TUT4: variants seen among roughly 807,000 people sequenced by gnomAD.
The protein encoded by TUT4 is terminal uridylyl transferase 4, also known as terminal uridylyltransferase 4.
Under a neutral mutation model 192.2 loss-of-function variants are expected in TUT4, and 36 were observed. The ratio of observed to expected loss-of-function variants is 0.19; its 90% CI spans 0.14 to 0.25. TUT4 has a LOEUF of 0.25. Among genes scored for constraint, TUT4 ranks in the 10% least tolerant of loss-of-function variants. The pLI is 1.00. For synonymous variants in TUT4, 618 were observed against 666.0 expected (o/e 0.93, Z 1.11); for missense variants, 1,493 against 1,957.2 (o/e 0.76, Z 4.47).
intron 19 of TUT4, among the ~76,000 whole-genome samples, chr1:52,459,218 A>G (rs537584346): frequency 6.6e-6 from 1 of 151,748 alleles, no homozygotes; most frequent in South Asian, 2.1e-4. Context: ...CCCAGGAGGC[A>G]GAGCTTGCAG....
At chr1:52,540,540 G>GA (rs774444471) in intron 1 of TUT4, among the ~76,000 whole-genome samples, 11 of 150,226 alleles carry the variant, frequency 7.3e-5, no homozygotes, top group Non-Finnish European at 1.6e-4. Flanking sequence ...AAGAAAGAAA[G>GA]AAAAAAAAGA....
intron 1 of TUT4, among the ~76,000 whole-genome samples, chr1:52,531,988 A>G (rs549039119): frequency 6.8e-6 from 1 of 147,310 alleles, no homozygotes; most frequent in African/African-American, 2.6e-5. Context: ...CCCAGGTTCA[A>G]GCAAATCTCC....
At chr1:52,491,218 A>G (rs1671063406) in intron 7 of TUT4, among the ~76,000 whole-genome samples, 1 of 152,178 alleles carries the variant, frequency 6.6e-6, no homozygotes, top group South Asian at 2.1e-4. Flanking sequence ...GTTCTTTTAA[A>G]TTACCAATGT....
Position 52,502,077 on chromosome 1 carries a change from G to C in TUT4, c.1000-4894C>G, listed in dbSNP as rs1308334730. Among the ~76,000 whole-genome samples, 3 of 149,790 alleles carry C rather than the reference G, an allele frequency of 2.0e-5. 1 individual carries two copies. The highest frequency in any genetic ancestry group is 4.2e-4 in the South Asian group (2 of 4,754). ...TAAATGTACTTAATGTCACTGAACT[G>C]TACACTTAAAAATGGTTAAAATGGT... On this transcript the variant is annotated intron_variant, in intron 4 of 29. Coordinates refer to ENST00000257177, the MANE Select transcript of TUT4 (RefSeq NM_001009881.3).
chr1:52,472,035 A>C lies in TUT4; in HGVS notation c.2795T>G (p.Phe932Cys). The C allele has an allele frequency of 6.2e-7, 1 of 1,613,912 alleles. No individual in the cohort carries two copies. The highest frequency in any genetic ancestry group is 8.5e-7 in the Non-Finnish European group (1 of 1,179,910). Residue 932 changes from phenylalanine to cysteine, a missense_variant, in exon 14 of 30, where the codon TTT becomes TGT. By Grantham distance (205) the Phe-to-Cys change is radical. Coordinates refer to ENST00000257177, the MANE Select transcript of TUT4 (RefSeq NM_001009881.3). The part of the protein sequence containing the change: ...GHSKNDCPED[F>C]RKIDLKPLPP... ...TAGAGGTTTTAAATCAATTTTCCTA[A>C]AATCCTCTGGGCAATCATTCTTTGA...
chr1:52,425,636 CA>C, intron 28 of TUT4, 129 bp from the exon 29 acceptor site: 2 of 1,147,798 alleles, frequency 1.7e-6, no homozygotes, highest in East Asian at 2.7e-5. Flanking sequence ...CAGAGAATAC[CA>C]AACAAACTTT....
At chr1:52,484,276 T>G (rs1396164799) in intron 9 of TUT4, among the ~76,000 whole-genome samples, 2 of 152,042 alleles carry the variant, frequency 1.3e-5, no homozygotes, top group Non-Finnish European at 2.9e-5. Context: ...AAAATACAAA[T>G]TAAAAAATAC....
chr1:52,490,811 A>G lies in TUT4; in HGVS notation c.1319-10T>C. On this transcript the variant is annotated splice_polypyrimidine_tract_variant and intron_variant, in intron 7 of 29. Transcript: ENST00000257177. The stretch of plus-strand genomic sequence containing the variant: ...ACATCTACATATAATACTAATAAGG[A>G]AAAAAAAAAGTAAGCTAATGTCAAC... The G allele has an allele frequency of 7.0e-7, 1 of 1,433,596 alleles. No homozygotes were observed. Among genetic ancestry groups the G allele is most frequent in the South Asian group, 1.4e-5 (1 of 73,214 alleles). The allele number at this position is 1,433,596 out of a possible 1,614,324, so 88.8% of individuals were successfully genotyped here.
chr1:52,495,722 G>A (rs1326628311), intron 5 of TUT4, among the ~76,000 whole-genome samples: 4 of 152,048 alleles, frequency 2.6e-5, no homozygotes, highest in African/African-American at 9.7e-5. Context: ...AGAAGGGAGA[G>A]AGAAACTACT....
intron 20 of TUT4, among the ~76,000 whole-genome samples, chr1:52,449,112 GCTGT>G (rs771693829): frequency 2.0e-5 from 3 of 151,542 alleles, no homozygotes; most frequent in Non-Finnish European, 4.4e-5. Flanking sequence ...CTCTCTCCCT[GCTGT>G]CTCTCTGTTC....
intron 14 of TUT4, among the ~76,000 whole-genome samples, chr1:52,471,172 A>G (rs1278252625): frequency 6.6e-6 from 1 of 152,012 alleles, no homozygotes; most frequent in African/African-American, 2.4e-5. Flanking sequence ...ACCGGCCACC[A>G]TGCCCAGCTA....
At chr1:52,509,933 A>C (rs752137155) in intron 3 of TUT4, among the ~76,000 whole-genome samples, 6 of 152,216 alleles carry the variant, frequency 3.9e-5, no homozygotes, top group Non-Finnish European at 7.4e-5. Context: ...ATTACATACT[A>C]ACTTTAATAC....
At chr1:52,479,130 G>A (rs190019060) in intron 11 of TUT4, among the ~76,000 whole-genome samples, 2 of 152,198 alleles carry the variant, frequency 1.3e-5, no homozygotes, top group East Asian at 1.9e-4. Flanking sequence ...CTACAGGAAT[G>A]GGAAACAGGG....
At chr1:52,434,953 G>A (rs1314155297) in intron 27 of TUT4, 1 of 153,008 alleles carries the variant, frequency 6.5e-6, no homozygotes, top group Non-Finnish European at 1.5e-5. Flanking sequence ...TGAGAAGACA[G>A]AAGTTTCATG....
At chr1:52,464,028 C>T (rs950735867) in intron 16 of TUT4, among the ~76,000 whole-genome samples, 3 of 152,082 alleles carry the variant, frequency 2.0e-5, no homozygotes, top group Non-Finnish European at 4.4e-5. Context: ...TTACGAATCC[C>T]GGCTCCAACA....
At chr1:52,492,755 G>T (rs1476482584) in intron 7 of TUT4, among the ~76,000 whole-genome samples, 1 of 152,154 alleles carries the variant, frequency 6.6e-6, no homozygotes, top group African/African-American at 2.4e-5. Context: ...TGAGAATCTT[G>T]TAATTTTTAA....
Position 52,541,270 on chromosome 1 carries a change from C to T in TUT4, c.-94+11661G>A, listed in dbSNP as rs541935922. Among the ~76,000 whole-genome samples the T allele has an allele frequency of 9.3e-5, 14 of 150,496 alleles. No individual in the cohort carries two copies. The South Asian group carries it at 1.3e-3, about 14-fold the overall frequency. On this transcript the variant is annotated intron_variant, in intron 1 of 29. Transcript: ENST00000257177. Reference sequence around the variant, plus strand: ...ACATCAGGCTGGGCACGGGGGCTCACGCCTGTAATCCTAGCACTTTGGGAG... The same window carrying T: ...ACATCAGGCTGGGCACGGGGGCTCATGCCTGTAATCCTAGCACTTTGGGAG...
At chr1:52,533,399 A>C (rs554503086) in intron 1 of TUT4, among the ~76,000 whole-genome samples, 1 of 152,334 alleles carries the variant, frequency 6.6e-6, no homozygotes, top group African/African-American at 2.4e-5. Context: ...ATACCTATCA[A>C]TAATTCATTG....
chr1:52,425,972 C>T (rs776852327), intron 28 of TUT4, among the ~76,000 whole-genome samples: 3 of 152,086 alleles, frequency 2.0e-5, no homozygotes, highest in Non-Finnish European at 4.4e-5. Context: ...AACATAGAGA[C>T]AGGAGTGATG....
Sources: allele counts gnomAD v4.1 joint callset (sites outside exome capture counted in the v4.1 genomes callset), GRCh38; gene constraint gnomAD v4.1.1; transcripts MANE v1.5; gene names NCBI Gene and HGNC (gene_info 2026-07-23, HGNC 2026-07-21).